The following CSMD1 variants were observed in gnomAD, a reference collection of about 807,000 sequenced individuals.
CSMD1 encodes the protein CUB and Sushi multiple domains 1, also known as CUB and sushi domain-containing protein 1.
CSMD1 carries 213 observed loss-of-function variants against 417.5 expected under a neutral mutation model. The observed-to-expected ratio is 0.51, with a 90% CI of 0.46 to 0.57. The LOEUF (loss-of-function observed/expected upper bound fraction) is 0.57. CSMD1 is among the 20% of genes least tolerant of loss of function. The probability of loss-of-function intolerance (pLI) is 0.00; values close to 1 mark genes in which losing one functional copy is unlikely to be tolerated. For synonymous variants in CSMD1, 2,862 were observed against 1,736.8 expected, an observed-to-expected ratio of 1.65 and a Z score of -16.11; for missense variants, 6,923 against 4,529.7, an observed-to-expected ratio of 1.53 and a Z score of -15.17.
At chr8:3,847,020 T>C (rs566361825) in intron 5 of CSMD1, among the ~76,000 whole-genome samples, 1 of 152,182 alleles carries the variant, frequency 6.6e-6, no homozygotes, top group African/African-American at 2.4e-5. Context: ...CCACAGCAGA[T>C]CAGATGATGC....
At chr8:4,907,279 C>A (rs1461880234) in intron 1 of CSMD1, among the ~76,000 whole-genome samples, 1 of 152,002 alleles carries the variant, frequency 6.6e-6, no homozygotes, top group Non-Finnish European at 1.5e-5. Context: ...TGTGATGTAC[C>A]TTCTGCATTG....
intron 7 of CSMD1, among the ~76,000 whole-genome samples, chr8:3,675,582 G>A (rs1041168702): frequency 2.6e-5 from 4 of 152,004 alleles, no homozygotes; most frequent in African/African-American, 7.2e-5. Context: ...ATGCAGACAC[G>A]AGGGTTGATA....
chr8:3,182,844 GTGTGTGTGT>G lies in CSMD1; in HGVS notation c.5621-1639_5621-1631del, dbSNP rs1563119669. 1.4e-3 allele frequency: 95 copies of G among 66,444 alleles called. 8 individuals carry two copies. Among genetic ancestry groups the G allele is most frequent in the African/African-American group, 2.5e-3 (38 of 15,250 alleles). 4.1% of individuals were successfully genotyped at this position (66,444 alleles called of 1,614,324 possible). A position where few individuals can be genotyped will look rare whatever the true frequency, so the allele number is the denominator to read the frequency against. Reference sequence around the variant, plus strand: ...TCTGGCTGTCTCTTTATAAGAAGGTGTGTGTGTGTGTGTGTGTGTGTGTGTGTGTGTGTG... The same window carrying G: ...TCTGGCTGTCTCTTTATAAGAAGGTGGTGTGTGTGTGTGTGTGTGTGTGTG... On this transcript the variant is annotated intron_variant, in intron 36 of 69. Transcript: ENST00000635120.
At chr8:3,097,267 T>G (rs1453889945) in intron 46 of CSMD1, among the ~76,000 whole-genome samples, 3 of 152,170 alleles carry the variant, frequency 2.0e-5, no homozygotes, top group Non-Finnish European at 2.9e-5. Flanking sequence ...CACACTCCTT[T>G]GGCCCCTGCA....
chr8:4,287,436 T>G (rs915332494), intron 3 of CSMD1, among the ~76,000 whole-genome samples: 2 of 152,140 alleles, frequency 1.3e-5, no homozygotes, highest in Non-Finnish European at 2.9e-5. Flanking sequence ...TACCCTTTCT[T>G]ACGTCCAATA....
intron 1 of CSMD1, among the ~76,000 whole-genome samples, chr8:4,863,629 T>C (rs1210950048): frequency 6.6e-6 from 1 of 152,144 alleles, no homozygotes; most frequent in Non-Finnish European, 1.5e-5. Context: ...CACCTCTCCA[T>C]ATCCACCCAG....
At chr8:4,480,362 T>C (rs2130123265) in intron 2 of CSMD1, among the ~76,000 whole-genome samples, 1 of 152,258 alleles carries the variant, frequency 6.6e-6, no homozygotes, top group South Asian at 2.1e-4. Flanking sequence ...GCTGAGAAAA[T>C]TACATTTCTC....
At chr8:2,984,702 AAGTTGTC>A (rs1448905998) in intron 54 of CSMD1, among the ~76,000 whole-genome samples, 4 of 152,220 alleles carry the variant, frequency 2.6e-5, no homozygotes, top group South Asian at 4.1e-4. Context: ...GAGCAAATAG[AAGTTGTC>A]AGAGACACAT....
chr8:4,108,864 G>A (rs1195458208), intron 3 of CSMD1, among the ~76,000 whole-genome samples: 4 of 152,144 alleles, frequency 2.6e-5, no homozygotes, highest in Non-Finnish European at 4.4e-5. Context: ...CAGCCTATCT[G>A]CAAGAATTTG....
intron 3 of CSMD1, among the ~76,000 whole-genome samples, chr8:4,033,079 G>A (rs963259424): frequency 7.8e-6 from 1 of 128,118 alleles, no homozygotes; most frequent in African/African-American, 3.0e-5. Context: ...CCTCTCTATT[G>A]ATTCCATGTC....
Position 3,473,905 on chromosome 8 carries a change from G to A in CSMD1, c.1449-5081C>T, listed in dbSNP as rs191386228. 7.9e-5 allele frequency among the ~76,000 whole-genome samples: 12 copies of A among 152,220 alleles called. No homozygotes were observed. The East Asian group carries it at 2.1e-3, about 27-fold the overall frequency. ...AATCATGGTAGAGGGTGAAAGGGAA[G>A]CAAGGCACGTCTTACATGGCAGGAG... On this transcript the variant is annotated intron_variant, in intron 11 of 69. Transcript: ENST00000635120.
intron 2 of CSMD1, among the ~76,000 whole-genome samples, chr8:4,558,843 G>A (rs1439916065): frequency 6.6e-6 from 1 of 152,100 alleles, no homozygotes; most frequent in African/African-American, 2.4e-5. Context: ...ACTCCAGACT[G>A]GGCAACAAAG....
intron 5 of CSMD1, among the ~76,000 whole-genome samples, chr8:3,961,891 G>A (rs1488486149): frequency 6.6e-6 from 1 of 152,140 alleles, no homozygotes; most frequent in African/African-American, 2.4e-5. Context: ...CCTGCCTTAC[G>A]ACTTCTTGAG....
chr8:4,281,039 G>T (rs898481045), intron 3 of CSMD1, among the ~76,000 whole-genome samples: 1 of 152,036 alleles, frequency 6.6e-6, no homozygotes, highest in Non-Finnish European at 1.5e-5. Flanking sequence ...CTGTTCCTTG[G>T]TCTCTCTGGC....
At chr8:4,297,998 G>C (rs1585182732) in intron 3 of CSMD1, among the ~76,000 whole-genome samples, 1 of 152,088 alleles carries the variant, frequency 6.6e-6, no homozygotes, top group Non-Finnish European at 1.5e-5. Context: ...CTAAAATGTA[G>C]CAAACGCTTG....
At chr8:3,626,132 G>A (rs1344518026) in intron 7 of CSMD1, among the ~76,000 whole-genome samples, 1 of 152,164 alleles carries the variant, frequency 6.6e-6, no homozygotes, top group Non-Finnish European at 1.5e-5. Flanking sequence ...ATGTTCACCG[G>A]AATGTATATT....
intron 1 of CSMD1, among the ~76,000 whole-genome samples, chr8:4,738,783 A>G (rs1221714565): frequency 6.6e-6 from 1 of 152,212 alleles, no homozygotes; most frequent in Non-Finnish European, 1.5e-5. Context: ...TTGATACAAT[A>G]AACAAATAAG....
At chr8:4,365,177 T>A (rs1452715787) in intron 3 of CSMD1, among the ~76,000 whole-genome samples, 3 of 152,206 alleles carry the variant, frequency 2.0e-5, no homozygotes, top group Admixed American at 1.3e-4. Context: ...TTGGTAGTTT[T>A]GCTCACAATA....
chr8:4,769,689 C>T (rs572168855), intron 1 of CSMD1, among the ~76,000 whole-genome samples: 13 of 152,172 alleles, frequency 8.5e-5, no homozygotes, highest in Non-Finnish European at 1.6e-4. Context: ...TGGAGCTGCA[C>T]GTCAGTTGCA....
Sources: gnomAD v4.1 joint callset for allele counts (sites outside exome capture counted in the v4.1 genomes callset) on GRCh38, gnomAD v4.1.1 for gene constraint, MANE v1.5 for transcripts, NCBI Gene and HGNC (gene_info 2026-07-23, HGNC 2026-07-21) for gene names.